ARMH4: variants seen among roughly 807,000 people sequenced by gnomAD.
The protein encoded by ARMH4 is armadillo like helical domain containing 4.
Under a neutral mutation model 61.9 loss-of-function variants are expected in ARMH4, and 49 were observed. That is an observed-to-expected ratio of 0.79 (90% CI 0.63 to 1.00). The LOEUF (loss-of-function observed/expected upper bound fraction) is 1.00. Among genes scored for constraint, ARMH4 ranks in the 50% least tolerant of loss-of-function variants. The probability of loss-of-function intolerance (pLI) is 0.00; values close to 1 mark genes in which losing one functional copy is unlikely to be tolerated. For synonymous variants in ARMH4, 368 were observed against 341.5 expected, an observed-to-expected ratio of 1.08 and a Z score of -0.85; for missense variants, 934 against 930.0, an observed-to-expected ratio of 1.00 and a Z score of -0.06.
intron 5 of ARMH4, among the ~76,000 whole-genome samples, chr14:58,072,654 G>A (rs1333210637): frequency 2.6e-5 from 4 of 151,952 alleles, no homozygotes; most frequent in Middle Eastern, 3.4e-3. Context: ...CCCAGGAGGC[G>A]GAGGTTGCAG....
At chr14:58,107,976 A>C (rs746010589) in intron 4 of ARMH4, among the ~76,000 whole-genome samples, 2 of 152,194 alleles carry the variant, frequency 1.3e-5, no homozygotes, top group Non-Finnish European at 2.9e-5. Context: ...TCTTATGCCA[A>C]TAACAATCAA....
intron 5 of ARMH4, among the ~76,000 whole-genome samples, chr14:58,041,663 A>T (rs1279480780): frequency 6.6e-6 from 1 of 152,172 alleles, no homozygotes; most frequent in Non-Finnish European, 1.5e-5. Context: ...TTGGATAAAG[A>T]GTCAAGACCC....
At chr14:58,137,529 G>C (rs1887346150) in intron 2 of ARMH4, among the ~76,000 whole-genome samples, 1 of 152,124 alleles carries the variant, frequency 6.6e-6, no homozygotes, top group African/African-American at 2.4e-5. Flanking sequence ...CTCCCGAGTA[G>C]CTGGGATTAC....
At chr14:58,068,178 C>A (rs1884765352) in intron 5 of ARMH4, among the ~76,000 whole-genome samples, 1 of 152,124 alleles carries the variant, frequency 6.6e-6, no homozygotes, top group Non-Finnish European at 1.5e-5. Context: ...TGCAAACTGA[C>A]TACAAAAATC....
chr14:58,049,718 T>A (rs948156396), intron 5 of ARMH4, among the ~76,000 whole-genome samples: 6 of 151,828 alleles, frequency 4.0e-5, no homozygotes, highest in African/African-American at 1.5e-4. Flanking sequence ...AAAAATAAAA[T>A]AAAATAAAAT....
chr14:58,073,305 C>G (rs1448943672), intron 5 of ARMH4, among the ~76,000 whole-genome samples: 3 of 152,210 alleles, frequency 2.0e-5, no homozygotes, highest in Admixed American at 6.5e-5. Flanking sequence ...CCCTTGTTCA[C>G]TTAAGAAGTC....
At chr14:58,117,839 GC>G (rs1273232038) in intron 4 of ARMH4, among the ~76,000 whole-genome samples, 1 of 151,586 alleles carries the variant, frequency 6.6e-6, no homozygotes, top group African/African-American at 2.4e-5. Flanking sequence ...GTTCACTTCA[GC>G]CTCGAACTCC....
chr14:58,028,677 A>G (rs1389043694), intron 5 of ARMH4, among the ~76,000 whole-genome samples: 2 of 152,186 alleles, frequency 1.3e-5, no homozygotes, highest in Non-Finnish European at 2.9e-5. Context: ...TGTCCCTGCC[A>G]GGACACCATG....
intron 4 of ARMH4, among the ~76,000 whole-genome samples, chr14:58,128,772 CCT>C (rs1886987001): frequency 1.3e-5 from 2 of 152,154 alleles, no homozygotes; most frequent in Admixed American, 6.6e-5. Context: ...GAAGCAGACC[CCT>C]GTTACATGTT....
At chr14:58,121,799 G>C (rs184795683) in intron 4 of ARMH4, among the ~76,000 whole-genome samples, 24 of 152,280 alleles carry the variant, frequency 1.6e-4, no homozygotes, top group Admixed American at 1.3e-3. Context: ...GACACTTAAA[G>C]TGACACAAAA....
intron 5 of ARMH4, among the ~76,000 whole-genome samples, chr14:58,050,182 C>A (rs953571829): frequency 6.6e-6 from 1 of 152,204 alleles, no homozygotes; most frequent in Admixed American, 6.5e-5. Context: ...TACCTCTGTG[C>A]GTTGCTCTTT....
intron 1 of ARMH4, among the ~76,000 whole-genome samples, chr14:58,140,228 T>C (rs997949409): frequency 1.3e-5 from 2 of 148,884 alleles, no homozygotes; most frequent in Non-Finnish European, 3.0e-5. Flanking sequence ...TGAGCTGAGA[T>C]CGTGCCATTG....
chr14:58,110,815 G>A (rs1218473795), intron 4 of ARMH4, among the ~76,000 whole-genome samples: 4 of 151,900 alleles, frequency 2.6e-5, no homozygotes, highest in South Asian at 2.1e-4. Context: ...TCCACCTCCC[G>A]GGTTCAAGTG....
chr14:58,032,963 C>A (rs1480113192), intron 5 of ARMH4, among the ~76,000 whole-genome samples: 2 of 147,454 alleles, frequency 1.4e-5, no homozygotes, highest in Non-Finnish European at 3.0e-5. Flanking sequence ...AAGGCGGCAA[C>A]GAGGCTGGGG....
intron 5 of ARMH4, 139 bp from the exon 6 acceptor site, chr14:58,012,289 T>A: frequency 2.1e-6 from 1 of 479,350 alleles, no homozygotes; most frequent in Non-Finnish European, 3.7e-6. Context: ...ATGACGATAA[T>A]GGCCTTATTT....
rs569740217 is a variant in ARMH4 at position 58,021,705 on chromosome 14, A to G, written c.2090-9555T>C. 4.5e-4 allele frequency among the ~76,000 whole-genome samples: 69 copies of G among 152,326 alleles called. No homozygotes were observed. The South Asian group carries it at 0.014, about 31-fold the overall frequency. On this transcript the variant is annotated intron_variant, in intron 5 of 7. Transcript: ENST00000267485. ...GTTCCCCAACATTTAAAGACCAGCC[A>G]GAGGAGAAAGGGCCAGGAGAAGAGA...
rs756621509 is a variant in ARMH4 at position 58,133,349 on chromosome 14, G to T, written c.1370-8C>A. On this transcript the variant is annotated splice_region_variant and splice_polypyrimidine_tract_variant and intron_variant, in intron 2 of 7. Transcript: ENST00000267485. ...TCTCTTGAGTGATGATGTCTTAAAG[G>T]GGGGAAAACATTTAAAAATAGACCA... 17 of 1,600,496 alleles carry T rather than the reference G, an allele frequency of 1.1e-5. No individual in the cohort carries two copies. Among genetic ancestry groups the T allele is most frequent in the Non-Finnish European group, 1.1e-5 (13 of 1,174,428 alleles).
intron 1 of ARMH4, among the ~76,000 whole-genome samples, chr14:58,151,864 C>T (rs1209657157): frequency 6.6e-6 from 1 of 152,220 alleles, no homozygotes; most frequent in Non-Finnish European, 1.5e-5. Flanking sequence ...GCCCAGCGCG[C>T]CCAGAGCTGC....
At chr14:58,050,237 C>G (rs944797439) in intron 5 of ARMH4, among the ~76,000 whole-genome samples, 2 of 152,228 alleles carry the variant, frequency 1.3e-5, no homozygotes, top group African/African-American at 4.8e-5. Flanking sequence ...CCCTCTAGCC[C>G]TGCAGGTGCA....
Sources: allele counts gnomAD v4.1 joint callset (sites outside exome capture counted in the v4.1 genomes callset), GRCh38; gene constraint gnomAD v4.1.1; transcripts MANE v1.5; gene names NCBI Gene and HGNC (gene_info 2026-07-23, HGNC 2026-07-21).